IL23R: variants seen among roughly 807,000 people sequenced by gnomAD.
The protein encoded by IL23R is interleukin 23 receptor.
In IL23R, 34 loss-of-function variants were observed where a neutral mutation model predicts 56.9. That is an observed-to-expected ratio of 0.60 (90% confidence interval 0.45 to 0.80). The LOEUF (loss-of-function observed/expected upper bound fraction) is 0.80. Ranked by LOEUF, IL23R falls within the 30% of genes least tolerant of loss-of-function variation. IL23R has a pLI of 0.00. For synonymous variants in IL23R, 230 were observed against 249.2 expected (o/e 0.92, Z 0.73); for missense variants, 635 against 730.0 (o/e 0.87, Z 1.50).
chr1:67,143,281 A>G (rs1433259208), intron 1 of IL23R, among the ~76,000 whole-genome samples: 1 of 152,218 alleles, frequency 6.6e-6, no homozygotes, highest in African/African-American at 2.4e-5. Flanking sequence ...GTAAAATTAA[A>G]GGTGAATTGA....
intron 10 of IL23R, among the ~76,000 whole-genome samples, chr1:67,256,362 A>T (rs917027336): frequency 6.6e-6 from 1 of 152,214 alleles, no homozygotes; most frequent in African/African-American, 2.4e-5. Flanking sequence ...CTTTAAACCC[A>T]GTGGAATTTG....
Position 67,219,564 on chromosome 1 carries a change from T to C in IL23R, c.799-10T>C. 1 of 1,612,456 alleles carries C rather than the reference T, an allele frequency of 6.2e-7. No homozygotes were observed. The highest frequency in any genetic ancestry group is 8.5e-7 in the Non-Finnish European group (1 of 1,178,896). On this transcript the variant is annotated splice_polypyrimidine_tract_variant and intron_variant, in intron 6 of 10. Transcript: ENST00000347310. ...CACCACATTTTATTATTGTTACCCA[T>C]CCATTTTAGGTTAAAGAATTTGACA...
intron 1 of IL23R, among the ~76,000 whole-genome samples, chr1:67,152,995 A>G (rs11209005): frequency 0.28 from 42,814 of 152,002 alleles, 6,476 homozygotes; most frequent in Admixed American, 0.41. Context: ...CTCCTTTTCA[A>G]TTGTCTGGAG....
chr1:67,163,513 G>GA (rs1305738158), upstream of IL23R, among the ~76,000 whole-genome samples: 2 of 111,518 alleles, frequency 1.8e-5, no homozygotes, highest in Non-Finnish European at 3.8e-5. Flanking sequence ...GAAAAGAAAA[G>GA]AAAAAAGAAA....
intron 7 of IL23R, among the ~76,000 whole-genome samples, chr1:67,224,900 G>C (rs754077793): frequency 1.3e-4 from 20 of 152,128 alleles, no homozygotes; most frequent in Non-Finnish European, 2.5e-4. Flanking sequence ...CATATGAATT[G>C]TTCTTTATTT....
intron 9 of IL23R, among the ~76,000 whole-genome samples, chr1:67,240,907 G>A (rs182769092): frequency 3.3e-5 from 5 of 152,318 alleles, no homozygotes; most frequent in Non-Finnish European, 5.9e-5. Flanking sequence ...GTTATGGATT[G>A]GCATTTGCCT....
At chr1:67,233,416 A>G (rs1198256946) in intron 7 of IL23R, among the ~76,000 whole-genome samples, 1 of 152,016 alleles carries the variant, frequency 6.6e-6, no homozygotes, top group Non-Finnish European at 1.5e-5. Flanking sequence ...GTGAAAACAG[A>G]CTAGTACGGT....
downstream of IL23R, among the ~76,000 whole-genome samples, chr1:67,263,745 G>A (rs1653274567): frequency 1.3e-5 from 2 of 151,806 alleles, no homozygotes; most frequent in South Asian, 4.2e-4. Context: ...ACCCAATCTC[G>A]ACTAAAAATA....
At chr1:67,178,373 T>C (rs1191746836) in intron 3 of IL23R, among the ~76,000 whole-genome samples, 1 of 152,230 alleles carries the variant, frequency 6.6e-6, no homozygotes, top group Non-Finnish European at 1.5e-5. Context: ...TTATTCTCTT[T>C]GAAGCAATTG....
At chr1:67,170,975 G>A (rs1263273949) in intron 3 of IL23R, among the ~76,000 whole-genome samples, 4 of 152,196 alleles carry the variant, frequency 2.6e-5, no homozygotes, top group African/African-American at 9.6e-5. Context: ...TGGAGTCAAA[G>A]AATAAATCTA....
chr1:67,257,121 C>T (rs1652992102), intron 10 of IL23R, among the ~76,000 whole-genome samples: 2 of 152,210 alleles, frequency 1.3e-5, no homozygotes, highest in African/African-American at 2.4e-5. Context: ...TCAAGATCTC[C>T]TTCTTTGCTA....
At chr1:67,220,453 T>G (rs1333893207) in intron 7 of IL23R, among the ~76,000 whole-genome samples, 1 of 152,152 alleles carries the variant, frequency 6.6e-6, no homozygotes, top group Non-Finnish European at 1.5e-5. Flanking sequence ...TCTTTACCTT[T>G]GACCAAAATT....
intron 6 of IL23R, among the ~76,000 whole-genome samples, chr1:67,214,917 A>G (rs1025876039): frequency 6.6e-6 from 1 of 152,252 alleles, no homozygotes; most frequent in African/African-American, 2.4e-5. Context: ...CTCATAACTT[A>G]GAAAGCGATG....
chr1:67,197,396 G>A (rs11808694), intron 4 of IL23R, among the ~76,000 whole-genome samples: 1,884 of 152,276 alleles, frequency 0.012, 36 homozygotes, highest in African/African-American at 0.043. Flanking sequence ...TTACTAAGGA[G>A]GTAGAAAATC....
At chr1:67,173,372 G>A (rs78378220) in intron 3 of IL23R, among the ~76,000 whole-genome samples, 3,217 of 152,200 alleles carry the variant, frequency 0.021, 101 homozygotes, top group African/African-American at 0.073. Flanking sequence ...TGTAGATGCC[G>A]TGGAGTAACA....
chr1:67,245,479 T>C (rs1315475021), intron 9 of IL23R, among the ~76,000 whole-genome samples: 5 of 152,238 alleles, frequency 3.3e-5, no homozygotes, highest in Non-Finnish European at 7.3e-5. Context: ...TTGAGATACA[T>C]TCCATCAATA....
At chr1:67,143,056 T>C (rs767737005) in intron 1 of IL23R, among the ~76,000 whole-genome samples, 5 of 152,158 alleles carry the variant, frequency 3.3e-5, no homozygotes, top group Non-Finnish European at 5.9e-5. Flanking sequence ...AGATTAATTT[T>C]TTTTTCATTT....
chr1:67,251,477 T>G (rs1570927183), intron 9 of IL23R, among the ~76,000 whole-genome samples: 1 of 149,976 alleles, frequency 6.7e-6, no homozygotes, highest in Non-Finnish European at 1.5e-5. Flanking sequence ...GGAAAAGACA[T>G]AAAGGCCTTT....
At chr1:67,202,322 C>T (rs1648697866) in intron 5 of IL23R, among the ~76,000 whole-genome samples, 1 of 152,222 alleles carries the variant, frequency 6.6e-6, no homozygotes, top group Admixed American at 6.5e-5. Flanking sequence ...ATGCCTCAGC[C>T]TCCCTAGTAA....
Sources: gnomAD v4.1 joint callset for allele counts (sites outside exome capture counted in the v4.1 genomes callset) on GRCh38, gnomAD v4.1.1 for gene constraint, MANE v1.5 for transcripts, NCBI Gene and HGNC (gene_info 2026-07-23, HGNC 2026-07-21) for gene names.